The following RASGRF2 variants were observed in gnomAD, a reference collection of about 807,000 sequenced individuals.
The protein encoded by RASGRF2 is Ras protein specific guanine nucleotide releasing factor 2, also known as ras-specific guanine nucleotide-releasing factor 2.
A neutral mutation model predicts 151.0 loss-of-function variants in RASGRF2; 76 were observed. The observed-to-expected ratio is 0.50, with a 90% CI of 0.42 to 0.61. RASGRF2 has a LOEUF of 0.61. Ranked by LOEUF, RASGRF2 falls within the 20% of genes least tolerant of loss-of-function variation. RASGRF2 has a pLI of 0.00. For missense variants in RASGRF2, 1,148 were observed against 1,564.6 expected, an observed-to-expected ratio of 0.73 and a Z score of 4.49; for synonymous variants, 504 against 566.5, an observed-to-expected ratio of 0.89 and a Z score of 1.57.
At chr5:81,053,799 C>G (rs1751102585) in intron 2 of RASGRF2, among the ~76,000 whole-genome samples, 1 of 152,200 alleles carries the variant, frequency 6.6e-6, no homozygotes, top group Admixed American at 6.5e-5. Flanking sequence ...TGTTTCCTGA[C>G]TTTTTAATGA....
intron 12 of RASGRF2, among the ~76,000 whole-genome samples, chr5:81,101,207 T>C (rs1002370785): frequency 6.6e-6 from 1 of 152,230 alleles, no homozygotes; most frequent in African/African-American, 2.4e-5. Flanking sequence ...TGAATATATT[T>C]CTTCTTAACT....
chr5:80,992,178 A>G (rs1369766090), intron 1 of RASGRF2, among the ~76,000 whole-genome samples: 1 of 150,586 alleles, frequency 6.6e-6, no homozygotes, highest in African/African-American at 2.5e-5. Context: ...ACATGCACAC[A>G]CAGATACACA....
chr5:81,157,532 A>G (rs1374598983), intron 17 of RASGRF2, among the ~76,000 whole-genome samples: 1 of 152,202 alleles, frequency 6.6e-6, no homozygotes, highest in Non-Finnish European at 1.5e-5. Flanking sequence ...TCATAGATTC[A>G]GCACAATTCC....
In RASGRF2 at chr5:81,102,325, T is replaced by C. The variant is rs766888742; in HGVS notation, c.1756-6671T>C. On this transcript the variant is annotated intron_variant, in intron 12 of 26. Transcript: ENST00000265080. ...TGTGAAAAAAGAACCTAAAAAACTG[T>C]ACCCATTGACCCAAGGAAAGAAATA... Among the ~76,000 whole-genome samples, 17 of 152,336 alleles carry C rather than the reference T, an allele frequency of 1.1e-4. No individual in the cohort carries two copies. In the East Asian group the frequency reaches 3.3e-3, roughly 29 times the overall value.
intron 1 of RASGRF2, among the ~76,000 whole-genome samples, chr5:80,988,352 A>G (rs1248870955): frequency 6.6e-6 from 1 of 152,078 alleles, no homozygotes; most frequent in Non-Finnish European, 1.5e-5. Context: ...CACCCGGCCT[A>G]TCATCTCTTT....
intron 26 of RASGRF2, among the ~76,000 whole-genome samples, chr5:81,222,664 C>G (rs1755879712): frequency 1.3e-5 from 2 of 151,346 alleles, no homozygotes; most frequent in Admixed American, 1.3e-4. Flanking sequence ...TTGTCATAGC[C>G]CCAGCATCTT....
intron 9 of RASGRF2, among the ~76,000 whole-genome samples, chr5:81,091,448 T>A (rs1752386168): frequency 6.6e-6 from 1 of 152,148 alleles, no homozygotes; most frequent in South Asian, 2.1e-4. Flanking sequence ...CACCCAGGAC[T>A]TCTTCCTTGC....
At chr5:80,971,761 G>C (rs1308098194) in intron 1 of RASGRF2, among the ~76,000 whole-genome samples, 1 of 151,784 alleles carries the variant, frequency 6.6e-6, no homozygotes, top group East Asian at 1.9e-4. Flanking sequence ...TTAGAGACAG[G>C]CTTTCGCCAT....
chr5:81,010,413 G>A (rs1002999409), intron 1 of RASGRF2, among the ~76,000 whole-genome samples: 8 of 152,226 alleles, frequency 5.3e-5, no homozygotes, highest in Non-Finnish European at 8.8e-5. Flanking sequence ...AAGGCCAAAT[G>A]TGTAAGGCAC....
rs371643636 is a variant in RASGRF2 at position 81,146,853 on chromosome 5, C to A, written c.2686+19690C>A. 1.4e-4 allele frequency among the ~76,000 whole-genome samples: 21 copies of A among 152,292 alleles called. No individual in the cohort carries two copies. The East Asian group carries it at 2.7e-3, about 20-fold the overall frequency. On this transcript the variant is annotated intron_variant, in intron 17 of 26. Transcript: ENST00000265080. ...ATTCAAAGTGTTATTCTTTCCCACT[C>A]TGTAGACTAAATTATGTACAAGCTT...
chr5:81,007,209 T>C (rs1490803396), intron 1 of RASGRF2, among the ~76,000 whole-genome samples: 1 of 152,156 alleles, frequency 6.6e-6, no homozygotes, highest in African/African-American at 2.4e-5. Flanking sequence ...CTGCAGAAGG[T>C]GAAGGGGAGG....
chr5:81,208,297 A>G (rs1755554354), intron 21 of RASGRF2, 57 bp from the exon 22 acceptor site: 4 of 1,440,210 alleles, frequency 2.8e-6, no homozygotes, highest in African/African-American at 1.4e-5. Context: ...GTCCAGGATC[A>G]TAGCCACCAT....
chr5:81,015,899 G>A (rs1354525109), intron 1 of RASGRF2, among the ~76,000 whole-genome samples: 3 of 152,132 alleles, frequency 2.0e-5, no homozygotes, highest in African/African-American at 4.8e-5. Flanking sequence ...CAATGCTTCC[G>A]ATTAAAATTA....
intron 1 of RASGRF2, among the ~76,000 whole-genome samples, chr5:81,022,066 T>C (rs1171061700): frequency 2.0e-5 from 3 of 152,286 alleles, no homozygotes; most frequent in East Asian, 1.9e-4. Context: ...AAAAAGATCT[T>C]ATGATTGGAT....
At chr5:81,197,187 T>G (rs1755283830) in intron 18 of RASGRF2, among the ~76,000 whole-genome samples, 1 of 152,054 alleles carries the variant, frequency 6.6e-6, no homozygotes, top group East Asian at 1.9e-4. Flanking sequence ...CCGGGCGCGG[T>G]GGCTCACGCC....
chr5:81,154,096 A>C (rs1754202089), intron 17 of RASGRF2, among the ~76,000 whole-genome samples: 1 of 152,218 alleles, frequency 6.6e-6, no homozygotes, highest in Non-Finnish European at 1.5e-5. Context: ...ACAAATAGAC[A>C]TTTCAGCAAT....
intron 1 of RASGRF2, among the ~76,000 whole-genome samples, chr5:81,008,790 C>T (rs1423812336): frequency 6.6e-6 from 1 of 152,116 alleles, no homozygotes; most frequent in Non-Finnish European, 1.5e-5. Flanking sequence ...GCATCTAGAA[C>T]CATTATAAAA....
chr5:81,171,419 A>T (rs1340709405), intron 17 of RASGRF2, among the ~76,000 whole-genome samples: 1 of 152,196 alleles, frequency 6.6e-6, no homozygotes, highest in East Asian at 1.9e-4. Context: ...ACAGGAGGTA[A>T]CTAATGCCCC....
intron 1 of RASGRF2, among the ~76,000 whole-genome samples, chr5:81,024,552 G>T (rs1749949240): frequency 6.6e-6 from 1 of 152,112 alleles, no homozygotes; most frequent in Non-Finnish European, 1.5e-5. Flanking sequence ...GAGCCACAAT[G>T]CCTGGCCTCA....
Sources: allele counts gnomAD v4.1 joint callset (sites outside exome capture counted in the v4.1 genomes callset), GRCh38; gene constraint gnomAD v4.1.1; transcripts MANE v1.5; gene names NCBI Gene and HGNC (gene_info 2026-07-23, HGNC 2026-07-21).